Variants in LRMDA observed in about 807,000 individuals in gnomAD.
LRMDA encodes leucine-rich melanocyte differentiation-associated protein.
A neutral mutation model predicts 29.8 loss-of-function variants in LRMDA; 18 were observed. The observed-to-expected ratio is 0.60, with a 90% confidence interval of 0.42 to 0.90. The LOEUF (loss-of-function observed/expected upper bound fraction) is 0.90. Ranked by LOEUF, LRMDA falls within the 40% of genes least tolerant of loss-of-function variation. The pLI, the probability that LRMDA is intolerant of heterozygous loss-of-function variation, is 0.00. For missense variants in LRMDA, 273 were observed against 273.9 expected, an observed-to-expected ratio of 1.00 and a Z score of 0.02; for synonymous variants, 125 against 109.4, an observed-to-expected ratio of 1.14 and a Z score of -0.89.
chr10:76,088,764 T>A (rs1849182005), intron 5 of LRMDA, among the ~76,000 whole-genome samples: 2 of 152,250 alleles, frequency 1.3e-5, no homozygotes, highest in Admixed American at 1.3e-4. Flanking sequence ...AATTCTTCCA[T>A]CATCTTAAAA....
chr10:76,221,708 G>C (rs1345279288), intron 5 of LRMDA, among the ~76,000 whole-genome samples: 1 of 152,166 alleles, frequency 6.6e-6, no homozygotes, highest in African/African-American at 2.4e-5. Flanking sequence ...GTAATTTATA[G>C]ATTCAATGCC....
chr10:75,508,984 C>T (rs913551123), intron 2 of LRMDA, among the ~76,000 whole-genome samples: 1 of 152,232 alleles, frequency 6.6e-6, no homozygotes, highest in Admixed American at 6.5e-5. Flanking sequence ...AAAGACATTA[C>T]AGATAACAAA....
intron 6 of LRMDA, among the ~76,000 whole-genome samples, chr10:76,533,218 G>T (rs1335650645): frequency 2.6e-5 from 4 of 152,048 alleles, no homozygotes; most frequent in Non-Finnish European, 5.9e-5. Flanking sequence ...TTTCAAATAG[G>T]ATATTATTGA....
chr10:76,399,196 A>G (rs1203760396), intron 6 of LRMDA, among the ~76,000 whole-genome samples: 2 of 152,208 alleles, frequency 1.3e-5, no homozygotes, highest in African/African-American at 4.8e-5. Flanking sequence ...AAGAAACAAT[A>G]TAATATTGTT....
intron 6 of LRMDA, among the ~76,000 whole-genome samples, chr10:76,486,483 A>G (rs1476560355): frequency 6.6e-6 from 1 of 151,956 alleles, no homozygotes; most frequent in Admixed American, 6.6e-5. Flanking sequence ...ATCTTATGCC[A>G]TATCATACAC....
chr10:75,478,052 C>G (rs1844816195), intron 2 of LRMDA, among the ~76,000 whole-genome samples: 1 of 152,230 alleles, frequency 6.6e-6, no homozygotes, highest in African/African-American at 2.4e-5. Flanking sequence ...GGCCTCCTTT[C>G]TGGATTCTGA....
chr10:75,861,042 A>G (rs778511846), intron 2 of LRMDA, among the ~76,000 whole-genome samples: 6 of 152,270 alleles, frequency 3.9e-5, no homozygotes, highest in Admixed American at 6.5e-5. Flanking sequence ...AACTGGAACT[A>G]TATACTAATG....
chr10:76,454,464 A>G (rs557362254), intron 6 of LRMDA, among the ~76,000 whole-genome samples: 74 of 152,128 alleles, frequency 4.9e-4, no homozygotes, highest in Non-Finnish European at 1.0e-3. Flanking sequence ...TCCTAAAACG[A>G]GCAAAACAAG....
intron 5 of LRMDA, among the ~76,000 whole-genome samples, chr10:76,298,170 TCAA>T (rs1840435796): frequency 1.3e-5 from 2 of 152,212 alleles, no homozygotes; most frequent in Non-Finnish European, 2.9e-5. Flanking sequence ...GCAGGCTCAG[TCAA>T]GTAGAACTGG....
chr10:76,155,803 A>T lies in LRMDA; in HGVS notation c.516+97020A>T, dbSNP rs575881634. Among the ~76,000 whole-genome samples the T allele has an allele frequency of 5.3e-5, 8 of 152,294 alleles. No homozygotes were observed. In the East Asian group the frequency reaches 1.5e-3, roughly 29 times the overall value. ...TGACGCAGTCTATCCTGACTATCACATTTTGCAAGTACTTATCAGCCTCCA... is the reference window on the plus strand; with the variant it reads ...TGACGCAGTCTATCCTGACTATCACTTTTTGCAAGTACTTATCAGCCTCCA... On this transcript the variant is annotated intron_variant, in intron 5 of 6. Transcript: ENST00000611255.
At chr10:75,652,151 C>A (rs1355530307) in intron 2 of LRMDA, among the ~76,000 whole-genome samples, 1 of 151,952 alleles carries the variant, frequency 6.6e-6, no homozygotes, top group Non-Finnish European at 1.5e-5. Flanking sequence ...TTAAAAAATT[C>A]ATTGCAGCCA....
At chr10:75,589,777 T>G (rs112666198) in intron 2 of LRMDA, among the ~76,000 whole-genome samples, 4,404 of 135,496 alleles carry the variant, frequency 0.033, 153 homozygotes, top group African/African-American at 0.095. Flanking sequence ...TATATATATA[T>G]AGAGAGAGAG....
intron 5 of LRMDA, among the ~76,000 whole-genome samples, chr10:76,252,347 C>T (rs1852501724): frequency 6.6e-6 from 1 of 152,180 alleles, no homozygotes; most frequent in South Asian, 2.1e-4. Flanking sequence ...TAGCTAACAA[C>T]AAAGAGATCA....
intron 5 of LRMDA, among the ~76,000 whole-genome samples, chr10:76,222,880 T>C (rs1167774124): frequency 2.0e-5 from 3 of 151,446 alleles, no homozygotes; most frequent in African/African-American, 7.3e-5. Context: ...TGTCCAACAA[T>C]GATAGACTGG....
chr10:75,677,150 C>T lies in LRMDA; in HGVS notation c.131+238656C>T, dbSNP rs1272730954. On this transcript the variant is annotated intron_variant, in intron 2 of 6. Transcript: ENST00000611255. ...TTTCCATGGGAATAGGGCCAGTGCC[C>T]TATGCTACATGGAGTTTGATTTGTT... 2.6e-5 allele frequency among the ~76,000 whole-genome samples: 4 copies of T among 152,308 alleles called. No homozygotes were observed. The South Asian group carries it at 8.3e-4, about 32-fold the overall frequency.
intron 2 of LRMDA, among the ~76,000 whole-genome samples, chr10:75,966,473 C>T (rs530771863): frequency 6.6e-6 from 1 of 152,334 alleles, no homozygotes; most frequent in Admixed American, 6.5e-5. Context: ...AGCAAGTCTG[C>T]TCCTTGGTCC....
intron 2 of LRMDA, among the ~76,000 whole-genome samples, chr10:76,023,790 C>G (rs1475969232): frequency 6.6e-6 from 1 of 152,238 alleles, no homozygotes; most frequent in East Asian, 1.9e-4. Context: ...ATCACTATTT[C>G]TTCTGGAGGT....
At chr10:76,313,260 A>T (rs1000573395) in intron 5 of LRMDA, among the ~76,000 whole-genome samples, 1 of 152,226 alleles carries the variant, frequency 6.6e-6, no homozygotes, top group African/African-American at 2.4e-5. Context: ...TGAATAAATC[A>T]ATACATGGAA....
intron 2 of LRMDA, among the ~76,000 whole-genome samples, chr10:75,993,948 G>T (rs889117829): frequency 7.2e-5 from 11 of 152,216 alleles, no homozygotes; most frequent in Admixed American, 4.6e-4. Flanking sequence ...AAGAGAGAGG[G>T]AAAATCCTGA....
Sources: allele counts gnomAD v4.1 joint callset (sites outside exome capture counted in the v4.1 genomes callset), GRCh38; gene constraint gnomAD v4.1.1; transcripts MANE v1.5; gene names NCBI Gene and HGNC (gene_info 2026-07-23, HGNC 2026-07-21).